The following KDM6A variants were observed in gnomAD, a reference collection of about 807,000 sequenced individuals.
KDM6A encodes lysine demethylase 6A.
KDM6A carries 11 observed loss-of-function variants against 117.6 expected under a neutral mutation model. That is an observed-to-expected ratio of 0.09 (90% CI 0.06 to 0.15). The LOEUF is 0.15. KDM6A is among the 10% of genes least tolerant of loss of function. KDM6A has a pLI of 1.00. For missense variants in KDM6A, 799 were observed against 1,077.3 expected, an observed-to-expected ratio of 0.74 and a Z score of 3.62; for synonymous variants, 384 against 396.1, an observed-to-expected ratio of 0.97 and a Z score of 0.36.
chrX:44,988,848 C>CG (rs1569506282), intron 4 of KDM6A, among the ~76,000 whole-genome samples: 2 of 110,905 alleles, frequency 1.8e-5, no homozygotes, highest in African/African-American at 6.6e-5. Context: ...TTAGGCTACT[C>CG]GGGGGTCAGG....
intron 4 of KDM6A, among the ~76,000 whole-genome samples, chrX:44,990,672 T>TA (rs2040533726): frequency 8.9e-6 from 1 of 112,161 alleles, no homozygotes; most frequent in African/African-American, 3.2e-5. Flanking sequence ...TTTTACATCT[T>TA]ACACTTCTAT....
chrX:44,995,608 A>G (rs1029563449), intron 4 of KDM6A, among the ~76,000 whole-genome samples: 4 of 110,034 alleles, frequency 3.6e-5, no homozygotes, highest in Non-Finnish European at 1.9e-5. Context: ...AGTAGCTGGG[A>G]CTAAGGCTAC....
intron 2 of KDM6A, among the ~76,000 whole-genome samples, chrX:44,898,829 T>TC (rs2034099497): frequency 9.2e-6 from 1 of 109,234 alleles, no homozygotes; most frequent in South Asian, 3.9e-4. Context: ...GGGGCTCCAG[T>TC]CCCACAGCCT....
At chrX:44,949,018 A>G (rs906403972) in intron 2 of KDM6A, among the ~76,000 whole-genome samples, 5 of 112,525 alleles carry the variant, frequency 4.4e-5, no homozygotes, top group African/African-American at 1.6e-4. Context: ...AATGCTATGC[A>G]GATGTTAATT....
intron 8 of KDM6A, among the ~76,000 whole-genome samples, chrX:45,042,512 G>C (rs1313272415): frequency 9.0e-6 from 1 of 111,229 alleles, no homozygotes; most frequent in Non-Finnish European, 1.9e-5. Flanking sequence ...CCTATTAAAA[G>C]TTAGTTTTTA....
intron 23 of KDM6A, 101 bp from the exon 24 acceptor site, chrX:45,083,359 A>T: frequency 1.3e-6 from 1 of 787,514 alleles, no homozygotes; most frequent in Non-Finnish European, 1.9e-6. Flanking sequence ...TTATAGACTT[A>T]ATTGTTTTTT....
At chrX:45,001,798 G>A (rs992238317) in intron 4 of KDM6A, among the ~76,000 whole-genome samples, 2 of 110,924 alleles carry the variant, frequency 1.8e-5, no homozygotes, top group Admixed American at 9.6e-5. Flanking sequence ...TTCTTGCCTC[G>A]GGTGTGATGA....
At chrX:44,995,251 C>T (rs1316298605) in intron 4 of KDM6A, among the ~76,000 whole-genome samples, 1 of 110,801 alleles carries the variant, frequency 9.0e-6, no homozygotes, top group Middle Eastern at 4.7e-3. Context: ...TGTTGGCTTA[C>T]CTTTCTGTAT....
intron 6 of KDM6A, among the ~76,000 whole-genome samples, chrX:45,023,292 A>G (rs991807249): frequency 1.8e-5 from 2 of 111,733 alleles, no homozygotes; most frequent in Non-Finnish European, 3.8e-5. Flanking sequence ...CCAAGTGTGT[A>G]TAATACTTTT....
intron 2 of KDM6A, among the ~76,000 whole-genome samples, chrX:44,894,575 A>G (rs2033641084): frequency 9.1e-6 from 1 of 109,301 alleles, no homozygotes; most frequent in African/African-American, 3.3e-5. Context: ...TTGTGTTTTC[A>G]TGTCTGTGAG....
At chrX:45,074,951 T>C (rs939780192) in intron 18 of KDM6A, among the ~76,000 whole-genome samples, 2 of 111,930 alleles carry the variant, frequency 1.8e-5, no homozygotes, top group African/African-American at 6.5e-5. Flanking sequence ...CATCTCTCAA[T>C]GTCCAGTATG....
intron 4 of KDM6A, among the ~76,000 whole-genome samples, chrX:45,007,576 A>G (rs181190840): frequency 4.4e-4 from 49 of 111,797 alleles, no homozygotes; most frequent in Admixed American, 4.3e-3. Context: ...GTTTTTTTCC[A>G]TGAACTTTTT....
At chrX:44,888,904 T>G in intron 2 of KDM6A, among the ~76,000 whole-genome samples, 1 of 112,114 alleles carries the variant, frequency 8.9e-6, no homozygotes, top group Middle Eastern at 4.6e-3. Context: ...ATATATTAGG[T>G]ACTGGGCATG....
intron 3 of KDM6A, among the ~76,000 whole-genome samples, chrX:44,969,575 G>A (rs752710868): frequency 6.7e-4 from 73 of 108,396 alleles, no homozygotes; most frequent in African/African-American, 2.2e-3. Context: ...CCGCCACCAC[G>A]CCCGGCTAAT....
At chrX:45,040,583 G>T (rs868279417) in intron 8 of KDM6A, among the ~76,000 whole-genome samples, 1 of 48,137 alleles carries the variant, frequency 2.1e-5, no homozygotes, top group South Asian at 1.3e-3. Flanking sequence ...GGGCAGAGGC[G>T]CCCCTCACCT....
chrX:45,009,849 C>G (rs1346660791), intron 4 of KDM6A, among the ~76,000 whole-genome samples: 1 of 111,568 alleles, frequency 9.0e-6, no homozygotes, highest in Non-Finnish European at 1.9e-5. Flanking sequence ...CTTTCCTTTC[C>G]TGACTCACTT....
intron 2 of KDM6A, among the ~76,000 whole-genome samples, chrX:44,945,131 T>C (rs1055366789): frequency 9.0e-6 from 1 of 111,311 alleles, no homozygotes; most frequent in African/African-American, 3.3e-5. Context: ...AAGAAAAAAA[T>C]AGGACTGTAG....
At chrX:44,911,772 A>C (rs757058316) in intron 2 of KDM6A, among the ~76,000 whole-genome samples, 83 of 111,945 alleles carry the variant, frequency 7.4e-4, no homozygotes, top group Admixed American at 1.1e-3. Context: ...CGTCTGCAAT[A>C]CCGGCACCTC....
At chrX:45,002,358 G>A (rs1035799346) in intron 4 of KDM6A, among the ~76,000 whole-genome samples, 6 of 111,684 alleles carry the variant, frequency 5.4e-5, no homozygotes, top group Non-Finnish European at 7.5e-5. Context: ...TTGTTAAAGA[G>A]CAGGTTAGTG....
Sources: allele counts gnomAD v4.1 joint callset (sites outside exome capture counted in the v4.1 genomes callset), GRCh38; gene constraint gnomAD v4.1.1; transcripts MANE v1.5; gene names NCBI Gene and HGNC (gene_info 2026-07-23, HGNC 2026-07-21).